The following ELMO1 variants were observed in gnomAD, a reference collection of about 807,000 sequenced individuals.
The protein encoded by ELMO1 is engulfment and cell motility 1.
In ELMO1, 26 loss-of-function variants were observed where a neutral mutation model predicts 98.9. The ratio of observed to expected loss-of-function variants is 0.26; its 90% CI spans 0.19 to 0.36. The LOEUF (loss-of-function observed/expected upper bound fraction) is 0.36. ELMO1 is among the 10% of genes least tolerant of loss of function. ELMO1 has a pLI of 1.00. For missense variants in ELMO1, 627 were observed against 935.2 expected (o/e 0.67, Z 4.30); for synonymous variants, 346 against 346.0 (o/e 1.00, Z 0.00).
chr7:37,072,335 A>G (rs1386314513), intron 15 of ELMO1, among the ~76,000 whole-genome samples: 1 of 152,132 alleles, frequency 6.6e-6, no homozygotes, highest in East Asian at 1.9e-4. Context: ...ATTATAGTAA[A>G]TAAGTCTCAT....
rs141227243 is a variant in ELMO1 at position 36,959,004 on chromosome 7, C to G, written c.1437+54295G>C. ...ATCTCACAGCCAACAGTTCCAAGCT[C>G]AACTCTTTCTTCCACTTGCTTGCCT... On this transcript the variant is annotated intron_variant, in intron 16 of 21. Coordinates refer to ENST00000310758, the MANE Select transcript of ELMO1 (RefSeq NM_014800.11). Among the ~76,000 whole-genome samples, 20 of 152,220 alleles carry G rather than the reference C, an allele frequency of 1.3e-4. No individual in the cohort carries two copies. In the East Asian group the frequency reaches 2.5e-3, roughly 19 times the overall value.
chr7:37,227,864 A>G (rs1793952880), intron 8 of ELMO1, among the ~76,000 whole-genome samples: 1 of 152,124 alleles, frequency 6.6e-6, no homozygotes, highest in African/African-American at 2.4e-5. Flanking sequence ...ATTTCCATTC[A>G]TTATTTTTCT....
chr7:37,358,716 G>GA (rs200804152), intron 1 of ELMO1, among the ~76,000 whole-genome samples: 4 of 151,894 alleles, frequency 2.6e-5, no homozygotes, highest in African/African-American at 7.3e-5. Context: ...GAAATATGGG[G>GA]AAAAAAAAGA....
At chr7:37,399,816 G>C (rs893679890) in intron 1 of ELMO1, among the ~76,000 whole-genome samples, 3 of 152,130 alleles carry the variant, frequency 2.0e-5, no homozygotes, top group Admixed American at 6.6e-5. Flanking sequence ...ACTTGAAGTG[G>C]GAGTAATACT....
chr7:37,098,280 C>G (rs1202340533), intron 14 of ELMO1, among the ~76,000 whole-genome samples: 1 of 152,198 alleles, frequency 6.6e-6, no homozygotes, highest in African/African-American at 2.4e-5. Context: ...AGGAAGATGG[C>G]TGAGCCCCAT....
chr7:36,967,384 A>C (rs1789532512), intron 16 of ELMO1, among the ~76,000 whole-genome samples: 1 of 152,004 alleles, frequency 6.6e-6, no homozygotes, highest in Non-Finnish European at 1.5e-5. Flanking sequence ...TCTGGGCCAC[A>C]CTCCTGAGGT....
At chr7:37,307,751 C>T (rs1047828674) in intron 4 of ELMO1, among the ~76,000 whole-genome samples, 11 of 152,204 alleles carry the variant, frequency 7.2e-5, no homozygotes, top group African/African-American at 2.4e-4. Flanking sequence ...ACTATCATCT[C>T]GTTCTATGTT....
At chr7:37,244,790 T>G (rs1284577510) in intron 6 of ELMO1, among the ~76,000 whole-genome samples, 2 of 152,206 alleles carry the variant, frequency 1.3e-5, no homozygotes, top group Non-Finnish European at 2.9e-5. Context: ...TTTATTATCT[T>G]TCTTTGGTAG....
chr7:37,166,174 T>C (rs11489388), intron 13 of ELMO1, among the ~76,000 whole-genome samples: 31,382 of 152,072 alleles, frequency 0.21, 4,359 homozygotes, highest in African/African-American at 0.4. Flanking sequence ...TCTGTGGGAT[T>C]GGTGGTGATA....
chr7:37,066,069 C>G (rs1385078122), intron 15 of ELMO1, among the ~76,000 whole-genome samples: 1 of 152,208 alleles, frequency 6.6e-6, no homozygotes, highest in Non-Finnish European at 1.5e-5. Context: ...CCACGTAAGA[C>G]ATGACTTTGT....
intron 16 of ELMO1, among the ~76,000 whole-genome samples, chr7:37,008,256 G>A (rs1473534960): frequency 6.6e-6 from 1 of 152,186 alleles, no homozygotes; most frequent in African/African-American, 2.4e-5. Flanking sequence ...GTAATTGTTG[G>A]GGAGGACTTA....
chr7:36,874,769 G>C (rs1483467899), intron 19 of ELMO1, among the ~76,000 whole-genome samples: 1 of 152,208 alleles, frequency 6.6e-6, no homozygotes, highest in East Asian at 1.9e-4. Context: ...AAAGCAGTGG[G>C]GTCCTATGTT....
At chr7:37,149,296 G>A (rs1212519560) in intron 13 of ELMO1, among the ~76,000 whole-genome samples, 1 of 152,178 alleles carries the variant, frequency 6.6e-6, no homozygotes, top group Non-Finnish European at 1.5e-5. Context: ...AATAGCAGAA[G>A]GATGTAGATG....
At chr7:37,285,264 A>G (rs1300176773) in intron 4 of ELMO1, among the ~76,000 whole-genome samples, 2 of 152,190 alleles carry the variant, frequency 1.3e-5, no homozygotes, top group African/African-American at 4.8e-5. Flanking sequence ...TCTTTTCTGC[A>G]ACAGCTTCTT....
At chr7:37,012,524 G>A (rs1793632410) in intron 16 of ELMO1, among the ~76,000 whole-genome samples, 1 of 152,164 alleles carries the variant, frequency 6.6e-6, no homozygotes, top group Non-Finnish European at 1.5e-5. Context: ...AAGTACTAAA[G>A]GCTGCAATAG....
intron 16 of ELMO1, among the ~76,000 whole-genome samples, chr7:37,000,966 T>G (rs542188794): frequency 7.5e-6 from 1 of 133,662 alleles, no homozygotes; most frequent in East Asian, 2.0e-4. Context: ...CACACACACG[T>G]TTTTTAACAA....
chr7:37,206,444 A>G (rs1439045581), intron 13 of ELMO1, among the ~76,000 whole-genome samples: 1 of 152,244 alleles, frequency 6.6e-6, no homozygotes, highest in Non-Finnish European at 1.5e-5. Flanking sequence ...TAGCATTTAG[A>G]CAAAGACGCT....
intron 4 of ELMO1, among the ~76,000 whole-genome samples, chr7:37,273,108 T>C (rs940973518): frequency 6.6e-6 from 1 of 152,244 alleles, no homozygotes; most frequent in Admixed American, 6.5e-5. Context: ...GCATGTTGCC[T>C]TGAAGTTAAG....
At chr7:37,023,609 T>C (rs1794403000) in intron 15 of ELMO1, among the ~76,000 whole-genome samples, 1 of 152,168 alleles carries the variant, frequency 6.6e-6, no homozygotes, top group Non-Finnish European at 1.5e-5. Context: ...AGTATATGCA[T>C]GCATTTTGTT....
Sources: allele counts gnomAD v4.1 joint callset (sites outside exome capture counted in the v4.1 genomes callset), GRCh38; gene constraint gnomAD v4.1.1; transcripts MANE v1.5; gene names NCBI Gene and HGNC (gene_info 2026-07-23, HGNC 2026-07-21).